Variants in SLCO3A1 observed in about 807,000 individuals in gnomAD.
SLCO3A1 encodes the protein solute carrier organic anion transporter family member 3A1.
In SLCO3A1, 27 loss-of-function variants were observed where a neutral mutation model predicts 63.1. That is an observed-to-expected ratio of 0.43 (90% CI 0.32 to 0.59). The LOEUF is 0.59. Among genes scored for constraint, SLCO3A1 ranks in the 20% least tolerant of loss-of-function variants. The pLI is 0.09. For synonymous variants in SLCO3A1, 473 were observed against 409.9 expected, an observed-to-expected ratio of 1.15 and a Z score of -1.86; for missense variants, 773 against 945.8, an observed-to-expected ratio of 0.82 and a Z score of 2.40.
chr15:92,072,862 G>A (rs1348877855), intron 2 of SLCO3A1, among the ~76,000 whole-genome samples: 1 of 152,152 alleles, frequency 6.6e-6, no homozygotes. Context: ...CATCTGCAAA[G>A]ACCCTTTTTC....
chr15:92,134,627 C>G (rs1230054767), intron 7 of SLCO3A1, among the ~76,000 whole-genome samples: 1 of 152,120 alleles, frequency 6.6e-6, no homozygotes, highest in South Asian at 2.1e-4. Flanking sequence ...ATATAGCCAT[C>G]CATTCGTAGA....
intron 1 of SLCO3A1, among the ~76,000 whole-genome samples, chr15:91,890,190 C>G (rs1409734937): frequency 6.6e-6 from 1 of 152,172 alleles, no homozygotes; most frequent in Non-Finnish European, 1.5e-5. Flanking sequence ...AAGCATAAAA[C>G]TTGAATTATA....
chr15:91,880,425 G>GTGTGTT (rs1422060096), intron 1 of SLCO3A1, among the ~76,000 whole-genome samples: 2 of 151,568 alleles, frequency 1.3e-5, no homozygotes, highest in African/African-American at 4.9e-5. Flanking sequence ...GTGTGTGTGT[G>GTGTGTT]TAGTTCTTTG....
At chr15:92,052,733 A>G (rs938349617) in intron 2 of SLCO3A1, among the ~76,000 whole-genome samples, 1 of 152,216 alleles carries the variant, frequency 6.6e-6, no homozygotes, top group Non-Finnish European at 1.5e-5. Flanking sequence ...GAGCACTTGA[A>G]ATGTGGCCAG....
chr15:92,049,423 C>T (rs1244653350), intron 2 of SLCO3A1, among the ~76,000 whole-genome samples: 1 of 152,144 alleles, frequency 6.6e-6, no homozygotes, highest in Non-Finnish European at 1.5e-5. Context: ...CTGGTTTCTC[C>T]AGTACCCCCA....
At chr15:92,154,809 G>A (rs913786590) in intron 9 of SLCO3A1, among the ~76,000 whole-genome samples, 5 of 152,122 alleles carry the variant, frequency 3.3e-5, no homozygotes, top group African/African-American at 1.2e-4. Flanking sequence ...AGAAGCTGAG[G>A]GTGATGATCA....
chr15:92,020,146 T>C (rs1202914179), intron 2 of SLCO3A1, among the ~76,000 whole-genome samples: 1 of 152,186 alleles, frequency 6.6e-6, no homozygotes, highest in African/African-American at 2.4e-5. Context: ...CCTCAAGTTT[T>C]TTACCAGCCA....
intron 2 of SLCO3A1, among the ~76,000 whole-genome samples, chr15:91,972,895 C>T (rs532679445): frequency 3.9e-5 from 6 of 152,186 alleles, no homozygotes; most frequent in Admixed American, 2.0e-4. Flanking sequence ...CCGAGGCAGG[C>T]GGATCACCTG....
chr15:92,164,537 TGTGTATGG>T lies in SLCO3A1; in HGVS notation c.*1406_*1413del. 1 of 985,420 alleles carries T rather than the reference TGTGTATGG, an allele frequency of 1.0e-6. No individual in the cohort carries two copies. The highest frequency in any genetic ancestry group is 1.2e-6 in the Non-Finnish European group (1 of 829,944). The allele number at this position is 985,420 out of a possible 1,614,324, so 61.0% of individuals were successfully genotyped here. On this transcript the variant is annotated 3_prime_UTR_variant, in exon 10 of 10. Transcript: ENST00000318445. ...GGAGACACTCTTAGATGTGGGTTTG[TGTGTATGG>T]GTGCAACACTTCCGGGGATAGGAAA...
chr15:92,055,264 C>T (rs2047008037), intron 2 of SLCO3A1, among the ~76,000 whole-genome samples: 1 of 152,068 alleles, frequency 6.6e-6, no homozygotes, highest in Non-Finnish European at 1.5e-5. Flanking sequence ...AGTTTCTGTT[C>T]ATGTCTGTTG....
Position 91,854,277 on chromosome 15 carries a change from G to A in SLCO3A1, c.180+189G>A. 8.7e-7 allele frequency: 1 copy of A among 1,144,850 alleles called. No individual in the cohort carries two copies. The highest frequency in any genetic ancestry group is 1.1e-6 in the Non-Finnish European group (1 of 926,714). 70.9% of individuals were successfully genotyped at this position (1,144,850 alleles called of 1,614,324 possible). A position where few individuals can be genotyped will look rare whatever the true frequency, so the allele number is the denominator to read the frequency against. ...GCCGGCCGGGGCTGCCAGCGAGCGG[G>A]TAGCGGGCGGGACCGTTGATGCCGG... On this transcript the variant is annotated intron_variant, in intron 1 of 9. Transcript: ENST00000318445. This position sits in a 1 kb window ranked among gnomAD's most constrained non-coding sequence, Gnocchi z 6.4.
rs1417042173 is a variant in SLCO3A1 at position 92,033,928 on chromosome 15, C to A, written c.647-60953C>A. Among the ~76,000 whole-genome samples, 5 of 151,750 alleles carry A rather than the reference C, an allele frequency of 3.3e-5. No homozygotes were observed. In the South Asian group the frequency reaches 8.3e-4, roughly 25 times the overall value. Reference sequence around the variant, plus strand: ...CAGGCTGGCGTTGATGAGCTGGGAGCAGGCGCATGGGTGGGACCCAGTGAG... The same window carrying A: ...CAGGCTGGCGTTGATGAGCTGGGAGAAGGCGCATGGGTGGGACCCAGTGAG... On this transcript the variant is annotated intron_variant, in intron 2 of 9. Coordinates refer to ENST00000318445, the MANE Select transcript of SLCO3A1 (RefSeq NM_013272.4). This position sits in a 1 kb window ranked among gnomAD's most constrained non-coding sequence, Gnocchi z 4.5.
At chr15:91,937,465 A>G (rs745350457) in intron 2 of SLCO3A1, among the ~76,000 whole-genome samples, 1 of 152,184 alleles carries the variant, frequency 6.6e-6, no homozygotes, top group Non-Finnish European at 1.5e-5. Flanking sequence ...CACACCTGTA[A>G]TCCCAGTACT....
At chr15:92,169,413 C>T (rs1032099463), downstream of SLCO3A1, among the ~76,000 whole-genome samples, 1 of 152,204 alleles carries the variant, frequency 6.6e-6, no homozygotes, top group African/African-American at 2.4e-5. Context: ...GACCCTGGCC[C>T]GAGTGGACTG....
At chr15:92,010,227 A>G (rs2046354655) in intron 2 of SLCO3A1, among the ~76,000 whole-genome samples, 1 of 152,210 alleles carries the variant, frequency 6.6e-6, no homozygotes, top group South Asian at 2.1e-4. Flanking sequence ...TATGTAACCT[A>G]TTCAGTGTTT....
chr15:92,124,089 G>A (rs563044932), intron 5 of SLCO3A1, among the ~76,000 whole-genome samples: 1 of 152,292 alleles, frequency 6.6e-6, no homozygotes, highest in African/African-American at 2.4e-5. Context: ...AGACTTGGGA[G>A]ATGAGGCCCA....
intron 3 of SLCO3A1, among the ~76,000 whole-genome samples, chr15:92,100,730 T>C (rs1342174849): frequency 6.6e-6 from 1 of 152,220 alleles, no homozygotes; most frequent in Non-Finnish European, 1.5e-5. Context: ...CCTTTTGTAC[T>C]AGTCAGGGTA....
In SLCO3A1 at chr15:92,138,451, G is replaced by A. The variant is rs1246778806; in HGVS notation, c.1513-8533G>A. On this transcript the variant is annotated intron_variant, in intron 7 of 9. Transcript: ENST00000318445. ...TCTTTTGGCTTAGGATTGCCTTGGC[G>A]ATGGGGGCTCTTTTTTGGTTCCATC... Among the ~76,000 whole-genome samples, 11 of 114,910 alleles carry A rather than the reference G, an allele frequency of 9.6e-5. No homozygotes were observed. In the South Asian group the frequency reaches 1.0e-3, roughly 11 times the overall value. 75.4% of individuals were successfully genotyped at this position (114,910 alleles called of 152,430 possible).
chr15:91,920,070 C>T (rs972874124), intron 2 of SLCO3A1, among the ~76,000 whole-genome samples: 2 of 152,188 alleles, frequency 1.3e-5, no homozygotes, highest in Middle Eastern at 3.4e-3. Flanking sequence ...TGAATATATA[C>T]GACAATATTT....
Sources: allele counts gnomAD v4.1 joint callset (sites outside exome capture counted in the v4.1 genomes callset), GRCh38; gene constraint gnomAD v4.1.1; non-coding constraint Gnocchi (gnomAD v3.1); transcripts MANE v1.5; gene names NCBI Gene and HGNC (gene_info 2026-07-23, HGNC 2026-07-21).